The following PDE3B variants were observed in gnomAD, a reference collection of about 807,000 sequenced individuals.
The protein encoded by PDE3B is phosphodiesterase 3B.
A neutral mutation model predicts 116.8 loss-of-function variants in PDE3B; 66 were observed. That is an observed-to-expected ratio of 0.56 (90% CI 0.46 to 0.69). The LOEUF (loss-of-function observed/expected upper bound fraction) is 0.69. PDE3B is among the 30% of genes least tolerant of loss of function. The pLI is 0.00. For missense variants in PDE3B, 1,384 were observed against 1,368.1 expected, an observed-to-expected ratio of 1.01 and a Z score of -0.18; for synonymous variants, 595 against 533.6, an observed-to-expected ratio of 1.12 and a Z score of -1.59.
Position 14,709,415 on chromosome 11 carries a change from G to C in PDE3B, c.979-62522G>C, listed in dbSNP as rs113160759. Among the ~76,000 whole-genome samples the C allele has an allele frequency of 4.5e-3, 688 of 152,156 alleles. 9 individuals are homozygous for C. Among genetic ancestry groups the C allele is most frequent in the African/African-American group, 0.016 (671 of 41,502 alleles). ...TCAGTGGCATCTGATAATCACATCG[G>C]TGTGGATTAAAGTCAGTTTTTCCAT... On this transcript the variant is annotated intron_variant, in intron 1 of 15. Coordinates refer to ENST00000282096, the MANE Select transcript of PDE3B (RefSeq NM_000922.4).
chr11:14,660,471 T>G (rs1232908873), intron 1 of PDE3B, among the ~76,000 whole-genome samples: 1 of 151,876 alleles, frequency 6.6e-6, no homozygotes, highest in African/African-American at 2.4e-5. Context: ...CTGGCTATTT[T>G]TTTTTTGTAT....
intron 1 of PDE3B, among the ~76,000 whole-genome samples, chr11:14,691,588 A>T (rs570226012): frequency 1.3e-5 from 2 of 152,172 alleles, no homozygotes; most frequent in Non-Finnish European, 2.9e-5. Flanking sequence ...ATCAAAATGT[A>T]TTGAATGTTT....
chr11:14,813,657 A>G (rs368778822), intron 5 of PDE3B, among the ~76,000 whole-genome samples: 125 of 152,288 alleles, frequency 8.2e-4, no homozygotes, highest in African/African-American at 2.7e-3. Flanking sequence ...TCTAACATAT[A>G]GGTTCTGTGG....
At chr11:14,811,408 C>T (rs561487562) in intron 5 of PDE3B, among the ~76,000 whole-genome samples, 1 of 152,120 alleles carries the variant, frequency 6.6e-6, no homozygotes, top group Non-Finnish European at 1.5e-5. Flanking sequence ...TTTCCCAGCA[C>T]CATATTAAAT....
intron 1 of PDE3B, among the ~76,000 whole-genome samples, chr11:14,721,366 C>T (rs930656888): frequency 1.1e-4 from 16 of 151,552 alleles, no homozygotes; most frequent in East Asian, 2.0e-4. Context: ...GTCAGTGTGG[C>T]GATTCCTCAG....
At position 14,867,707 on chromosome 11, in the gene PDE3B, G is replaced by A. The variant is rs782615223; in HGVS notation, c.3088G>A (p.Gly1030Ser). The stretch of plus-strand genomic sequence containing the variant: ...TACTGAAAGTGGTGATGATGAAGAC[G>A]GTGAAGAATTAGATACAGAAGATGA... ...NDTESGDDEDGEELDTEDEEM... is the reference protein window; with the variant it reads ...NDTESGDDEDSEELDTEDEEM... The change falls in exon 15 of 16, where the codon GGT (glycine) becomes AGT (serine). Residue 1030 changes from glycine to serine, a missense_variant. Around this residue, in one of 2 missense-constraint regions of PDE3B, gnomAD observed 428 missense variants for 561.4 expected, o/e 0.76. Transcript: ENST00000282096. The A allele has an allele frequency of 1.3e-5, 21 of 1,612,634 alleles. No homozygotes were observed. The highest frequency in any genetic ancestry group is 4.4e-5 in the South Asian group (4 of 91,042).
intron 2 of PDE3B, among the ~76,000 whole-genome samples, chr11:14,778,540 T>TA (rs1319139972): frequency 6.6e-6 from 1 of 152,214 alleles, no homozygotes; most frequent in Non-Finnish European, 1.5e-5. Context: ...GCACTGGTGA[T>TA]ATCCAGGCAA....
intron 1 of PDE3B, among the ~76,000 whole-genome samples, chr11:14,703,136 A>C (rs1030284161): frequency 6.6e-6 from 1 of 151,826 alleles, no homozygotes; most frequent in African/African-American, 2.4e-5. Context: ...CAAATTGCTC[A>C]TATTTTTTTG....
intron 1 of PDE3B, among the ~76,000 whole-genome samples, chr11:14,736,108 A>C (rs1856591213): frequency 1.3e-5 from 2 of 152,134 alleles, no homozygotes. Context: ...TAAGCCTTTG[A>C]TCCAGGCTGG....
At chr11:14,835,440 A>G (rs555377564) in intron 11 of PDE3B, among the ~76,000 whole-genome samples, 49 of 148,208 alleles carry the variant, frequency 3.3e-4, no homozygotes, top group African/African-American at 1.2e-3. Flanking sequence ...GTTTTTTTAA[A>G]AAAAATTTTT....
At chr11:14,891,650 G>C in the PDE3B span, 3 of 1,154,678 alleles carry the variant, frequency 2.6e-6, no homozygotes, top group South Asian at 2.2e-5. Context: ...GTCCACCCTG[G>C]ACCTGAAGTG....
At chr11:14,887,635 A>G in the PDE3B span, 1 of 985,378 alleles carries the variant, frequency 1.0e-6, no homozygotes, top group Non-Finnish European at 1.2e-6. Context: ...CTTGCCTTCT[A>G]GATCACTCCA....
intron 5 of PDE3B, among the ~76,000 whole-genome samples, chr11:14,809,166 A>G (rs1859046836): frequency 6.6e-6 from 1 of 152,234 alleles, no homozygotes; most frequent in East Asian, 1.9e-4. Flanking sequence ...ATTCAATGAA[A>G]TTCAATTTGG....
intron 1 of PDE3B, among the ~76,000 whole-genome samples, chr11:14,769,534 C>A (rs1161062618): frequency 6.7e-6 from 1 of 149,882 alleles, no homozygotes; most frequent in Non-Finnish European, 1.5e-5. Context: ...TATAAGCAAG[C>A]AGCAGGACTA....
At chr11:14,726,201 C>G (rs567298208) in intron 1 of PDE3B, among the ~76,000 whole-genome samples, 17 of 152,278 alleles carry the variant, frequency 1.1e-4, no homozygotes, top group African/African-American at 4.1e-4. Flanking sequence ...TATAAATAAG[C>G]CTTCTTTGAC....
chr11:14,834,645 T>C (rs1859997065), intron 10 of PDE3B, among the ~76,000 whole-genome samples: 2 of 152,202 alleles, frequency 1.3e-5, no homozygotes, highest in African/African-American at 4.8e-5. Context: ...TACAAAACTG[T>C]TTTGTGTGCA....
chr11:14,818,195 G>C lies in PDE3B; in HGVS notation c.1535G>C (p.Ser512Thr). 6.2e-7 allele frequency: 1 copy of C among 1,609,662 alleles called. No homozygotes were observed. The highest frequency in any genetic ancestry group is 1.3e-5 in the African/African-American group (1 of 74,872). ...VGLRRAGVLS[S>T]LSPVNSSNHG... ...TTAATTTTTAAAGGTGTTTTGTCCA[G>C]TCTGAGTCCTGTGAATTCTTCCAAC... The change falls in exon 6 of 16, where the codon AGT (serine) becomes ACT (threonine). Residue 512 changes from serine to threonine, a missense_variant. Transcript: ENST00000282096.
intron 1 of PDE3B, among the ~76,000 whole-genome samples, chr11:14,677,890 G>A (rs1854581715): frequency 1.3e-5 from 2 of 152,152 alleles, no homozygotes; most frequent in South Asian, 2.1e-4. Context: ...TTAAGTAGTA[G>A]TCCATTGATT....
chr11:14,844,327 C>G (rs1460375135), intron 12 of PDE3B, among the ~76,000 whole-genome samples: 1 of 152,206 alleles, frequency 6.6e-6, no homozygotes, highest in Non-Finnish European at 1.5e-5. Context: ...AAAACTCTGA[C>G]TGTATTTAAG....
Sources: gnomAD v4.1 joint callset for allele counts (sites outside exome capture counted in the v4.1 genomes callset) on GRCh38, gnomAD v4.1.1 for gene constraint, gnomAD v4.1.1 regional missense constraint, MANE v1.5 for transcripts, NCBI Gene and HGNC (gene_info 2026-07-23, HGNC 2026-07-21) for gene names.